The following PDZRN4 variants were observed in gnomAD, a reference collection of about 807,000 sequenced individuals.
PDZRN4 encodes the protein PDZ domain-containing RING finger protein 4.
PDZRN4 carries 70 observed loss-of-function variants against 99.0 expected under a neutral mutation model. That is an observed-to-expected ratio of 0.71 (90% CI 0.58 to 0.86). The LOEUF (loss-of-function observed/expected upper bound fraction) is 0.86. Among genes scored for constraint, PDZRN4 ranks in the 40% least tolerant of loss-of-function variants. The probability of loss-of-function intolerance (pLI) is 0.00; values close to 1 mark genes in which losing one functional copy is unlikely to be tolerated. For missense variants in PDZRN4, 1,474 were observed against 1,331.2 expected (o/e 1.11, Z -1.67); for synonymous variants, 551 against 501.6 (o/e 1.10, Z -1.32).
intron 3 of PDZRN4, among the ~76,000 whole-genome samples, chr12:41,379,199 C>T (rs1173024913): frequency 2.1e-5 from 3 of 146,220 alleles, no homozygotes; most frequent in Non-Finnish European, 3.0e-5. Context: ...TCAGTTATAT[C>T]TCCTCTTTCA....
intron 3 of PDZRN4, among the ~76,000 whole-genome samples, chr12:41,341,457 A>G (rs1218155099): frequency 6.6e-6 from 1 of 151,864 alleles, no homozygotes; most frequent in East Asian, 1.9e-4. Context: ...AAAGTATCCT[A>G]AAACACTGAA....
At chr12:41,427,878 A>G (rs1438203306) in intron 3 of PDZRN4, among the ~76,000 whole-genome samples, 1 of 152,184 alleles carries the variant, frequency 6.6e-6, no homozygotes, top group Non-Finnish European at 1.5e-5. Context: ...ACCTGAGGTC[A>G]GGAGTTCCAG....
chr12:41,492,234 A>AT, intron 3 of PDZRN4, among the ~76,000 whole-genome samples: 1 of 152,328 alleles, frequency 6.6e-6, no homozygotes, highest in South Asian at 2.1e-4. Context: ...AGATTAACTT[A>AT]TTATCTTATT....
intron 3 of PDZRN4, among the ~76,000 whole-genome samples, chr12:41,250,191 C>G (rs115646167): frequency 5.8e-4 from 88 of 152,262 alleles, no homozygotes; most frequent in African/African-American, 1.9e-3. Flanking sequence ...TTTTTTGTAA[C>G]TAGTCTGTAC....
chr12:41,225,213 A>C (rs1486380797), intron 3 of PDZRN4, among the ~76,000 whole-genome samples: 1 of 152,120 alleles, frequency 6.6e-6, no homozygotes, highest in African/African-American at 2.4e-5. Context: ...TACTGCCAGA[A>C]TTTGCAGTTA....
At chr12:41,497,828 C>T (rs1938036519) in intron 3 of PDZRN4, among the ~76,000 whole-genome samples, 2 of 152,018 alleles carry the variant, frequency 1.3e-5, no homozygotes, top group Non-Finnish European at 2.9e-5. Flanking sequence ...ATTCATAGTA[C>T]AGTAAGAATT....
intron 3 of PDZRN4, among the ~76,000 whole-genome samples, chr12:41,309,900 C>T (rs117753832): frequency 0.023 from 3,558 of 152,038 alleles, 62 homozygotes; most frequent in Non-Finnish European, 0.035. Context: ...AGCAAGCTAT[C>T]TCTTTTCACT....
chr12:41,521,793 TTGAG>T (rs1224806967), intron 5 of PDZRN4, among the ~76,000 whole-genome samples: 6 of 152,118 alleles, frequency 3.9e-5, no homozygotes, highest in Non-Finnish European at 8.8e-5. Context: ...TGGCATGTAA[TTGAG>T]TATGTGTTCT....
At chr12:41,415,587 G>T in intron 3 of PDZRN4, among the ~76,000 whole-genome samples, 1 of 151,984 alleles carries the variant, frequency 6.6e-6, no homozygotes, top group African/African-American at 2.4e-5. Context: ...CAACATTTTG[G>T]TGAAATTCAG....
intron 3 of PDZRN4, among the ~76,000 whole-genome samples, chr12:41,372,836 G>T (rs1952051608): frequency 6.6e-6 from 1 of 152,074 alleles, no homozygotes; most frequent in Admixed American, 6.6e-5. Flanking sequence ...GGGATATTTT[G>T]ATTTGGAAAG....
intron 3 of PDZRN4, among the ~76,000 whole-genome samples, chr12:41,256,910 T>C (rs1027066650): frequency 6.6e-6 from 1 of 152,232 alleles, no homozygotes; most frequent in African/African-American, 2.4e-5. Context: ...TTATTGCTTA[T>C]ACGTATCACC....
chr12:41,191,486 T>G lies in PDZRN4; in HGVS notation c.677T>G (p.Val226Gly). The G allele has an allele frequency of 6.4e-7, 1 of 1,570,834 alleles. No individual in the cohort carries two copies. The highest frequency in any genetic ancestry group is 8.7e-7 in the Non-Finnish European group (1 of 1,154,468). The change falls in exon 2 of 10, where the codon GTG (valine) becomes GGG (glycine). Residue 226 changes from valine to glycine, a missense_variant. Coordinates refer to ENST00000402685, the MANE Select transcript of PDZRN4 (RefSeq NM_001164595.2). The stretch of plus-strand genomic sequence containing the variant: ...GGAGAGCATAAGCCATTCACTATTG[T>G]GTTAGAAAGAGAAAATGACACTTTG... Reference protein sequence around the residue: ...RDGEHKPFTIVLERENDTLGF... With the variant: ...RDGEHKPFTIGLERENDTLGF...
At chr12:41,459,105 G>C (rs575021221) in intron 3 of PDZRN4, among the ~76,000 whole-genome samples, 71 of 152,234 alleles carry the variant, frequency 4.7e-4, no homozygotes, top group Non-Finnish European at 8.5e-4. Context: ...GACAAATACC[G>C]GCAGCTTTAT....
intron 3 of PDZRN4, among the ~76,000 whole-genome samples, chr12:41,290,263 A>T (rs927740413): frequency 5.9e-5 from 9 of 152,226 alleles, no homozygotes; most frequent in African/African-American, 2.2e-4. Flanking sequence ...AAAGCAAAAT[A>T]TCAAATATGT....
chr12:41,285,553 C>T (rs918808854), intron 3 of PDZRN4, among the ~76,000 whole-genome samples: 17 of 152,174 alleles, frequency 1.1e-4, no homozygotes, highest in Non-Finnish European at 5.9e-5. Flanking sequence ...GATACATGCA[C>T]ATGTATGTTT....
At chr12:41,287,521 A>G (rs1951429377) in intron 3 of PDZRN4, among the ~76,000 whole-genome samples, 1 of 152,222 alleles carries the variant, frequency 6.6e-6, no homozygotes, top group Non-Finnish European at 1.5e-5. Flanking sequence ...TCATTTCTCT[A>G]TGCAGTTTGA....
chr12:41,554,860 G>A (rs1303280722), intron 6 of PDZRN4, among the ~76,000 whole-genome samples: 2 of 151,736 alleles, frequency 1.3e-5, no homozygotes, highest in African/African-American at 2.4e-5. Flanking sequence ...AATATAGGTT[G>A]TAAATGTCTT....
chr12:41,292,087 T>C (rs565434617), intron 3 of PDZRN4, among the ~76,000 whole-genome samples: 1 of 152,300 alleles, frequency 6.6e-6, no homozygotes, highest in East Asian at 1.9e-4. Context: ...AAAGCATGAG[T>C]AGCAGGCGTT....
rs202009887 is a variant in PDZRN4, at chr12:41,210,007, T to C, written c.843+15819T>C. Reference sequence around the variant, plus strand: ...ATTTCTCCACATCCTCTCCAGCACCTGTTGTTTCCTGACTCTTTAATGATC... The same window carrying C: ...ATTTCTCCACATCCTCTCCAGCACCCGTTGTTTCCTGACTCTTTAATGATC... On this transcript the variant is annotated intron_variant, in intron 3 of 9. Transcript: ENST00000402685. Among the ~76,000 whole-genome samples the C allele has an allele frequency of 3.2e-4, 48 of 151,992 alleles. No homozygotes were observed. The East Asian group carries it at 9.0e-3, about 28-fold the overall frequency.
Sources: gnomAD v4.1 joint callset for allele counts (sites outside exome capture counted in the v4.1 genomes callset) on GRCh38, gnomAD v4.1.1 for gene constraint, MANE v1.5 for transcripts, NCBI Gene and HGNC (gene_info 2026-07-23, HGNC 2026-07-21) for gene names.